SH3GL2: variants seen among roughly 807,000 people sequenced by gnomAD.
The protein encoded by SH3GL2 is SH3 domain containing GRB2 like 2, endophilin A1.
A neutral mutation model predicts 46.0 loss-of-function variants in SH3GL2; 24 were observed. The ratio of observed to expected loss-of-function variants is 0.52; its 90% CI spans 0.38 to 0.73. The LOEUF is 0.73. Among genes scored for constraint, SH3GL2 ranks in the 30% least tolerant of loss-of-function variants. The probability of loss-of-function intolerance (pLI) is 0.00; values close to 1 mark genes in which losing one functional copy is unlikely to be tolerated. For synonymous variants in SH3GL2, 196 were observed against 147.1 expected (o/e 1.33, Z -2.40); for missense variants, 413 against 424.2 (o/e 0.97, Z 0.23).
At chr9:17,598,081 G>T (rs746103550) in intron 1 of SH3GL2, among the ~76,000 whole-genome samples, 7 of 152,302 alleles carry the variant, frequency 4.6e-5, no homozygotes, top group Middle Eastern at 6.8e-3. Flanking sequence ...GCACTCTCAC[G>T]TGGAGGTCAT....
Position 17,704,214 on chromosome 9 carries a change from A to C in SH3GL2, c.46-42852A>C, listed in dbSNP as rs117669579. 4.3e-3 allele frequency among the ~76,000 whole-genome samples: 655 copies of C among 152,122 alleles called. 18 individuals carry two copies. In the East Asian group the frequency reaches 0.071, roughly 16 times the overall value. ...CAATAGCCACAAAAAGAATAAAACA[A>C]CTAGGAAAACAGCTAACCAGGGAGG... On this transcript the variant is annotated intron_variant, in intron 1 of 8. Transcript: ENST00000380607.
intron 1 of SH3GL2, among the ~76,000 whole-genome samples, chr9:17,639,307 C>G (rs571189310): frequency 1.3e-5 from 2 of 152,246 alleles, no homozygotes; most frequent in South Asian, 4.1e-4. Flanking sequence ...AAGCAAAAAT[C>G]TAATGAAATG....
intron 1 of SH3GL2, among the ~76,000 whole-genome samples, chr9:17,719,542 T>C (rs1228712231): frequency 1.3e-5 from 2 of 152,122 alleles, no homozygotes; most frequent in African/African-American, 4.8e-5. Context: ...TCCCAACACT[T>C]TGGGAGGCCA....
intron 1 of SH3GL2, among the ~76,000 whole-genome samples, chr9:17,654,352 C>G (rs1410511292): frequency 1.3e-5 from 2 of 152,112 alleles, no homozygotes; most frequent in African/African-American, 4.8e-5. Context: ...ATGGACTCCT[C>G]TAGGGAAGGG....
chr9:17,683,853 C>G (rs1331795103), intron 1 of SH3GL2, among the ~76,000 whole-genome samples: 1 of 152,106 alleles, frequency 6.6e-6, no homozygotes, highest in Non-Finnish European at 1.5e-5. Flanking sequence ...GCCAAGGACA[C>G]ATGAAACCTG....
rs189134701 is a variant in SH3GL2 at position 17,687,196 on chromosome 9, C to G, written c.46-59870C>G. 2.2e-3 allele frequency among the ~76,000 whole-genome samples: 340 copies of G among 152,198 alleles called. 1 individual carries two copies. Among genetic ancestry groups the G allele is most frequent in the Middle Eastern group, 0.02 (6 of 294 alleles). On this transcript the variant is annotated intron_variant, in intron 1 of 8. Transcript: ENST00000380607. ...ATTTTTCTTATAATCATTTCATCAT[C>G]TAGAACCATTTAAATTTTGAGTTTT...
intron 1 of SH3GL2, among the ~76,000 whole-genome samples, chr9:17,629,941 G>A (rs1819381002): frequency 6.6e-6 from 1 of 152,264 alleles, no homozygotes; most frequent in East Asian, 1.9e-4. Flanking sequence ...CAGGCCACCT[G>A]TAATGGAATC....
chr9:17,777,858 TAGC>T, intron 3 of SH3GL2, among the ~76,000 whole-genome samples: 1 of 152,184 alleles, frequency 6.6e-6, no homozygotes, highest in Non-Finnish European at 1.5e-5. Flanking sequence ...GGAGGACAAA[TAGC>T]AGTCTTCTTA....
At chr9:17,627,160 C>T (rs895812692) in intron 1 of SH3GL2, among the ~76,000 whole-genome samples, 1 of 152,130 alleles carries the variant, frequency 6.6e-6, no homozygotes, top group Non-Finnish European at 1.5e-5. Context: ...TTTTTCAATA[C>T]ACTCAAGGAA....
At chr9:17,792,800 C>T (rs1824171128) in intron 7 of SH3GL2, among the ~76,000 whole-genome samples, 1 of 152,206 alleles carries the variant, frequency 6.6e-6, no homozygotes, top group Non-Finnish European at 1.5e-5. Context: ...CCCCTGTGTT[C>T]CTGTGGCACT....
intron 1 of SH3GL2, among the ~76,000 whole-genome samples, chr9:17,696,382 C>T (rs1821202167): frequency 6.6e-6 from 1 of 152,106 alleles, no homozygotes; most frequent in East Asian, 1.9e-4. Context: ...TGTATTACAG[C>T]AGACAAATAA....
At chr9:17,625,528 A>T (rs901246932) in intron 1 of SH3GL2, among the ~76,000 whole-genome samples, 1 of 152,228 alleles carries the variant, frequency 6.6e-6, no homozygotes, top group Non-Finnish European at 1.5e-5. Flanking sequence ...TGTGATAATC[A>T]GGCAGAGATC....
intron 3 of SH3GL2, among the ~76,000 whole-genome samples, chr9:17,781,714 C>G (rs552530058): frequency 6.8e-4 from 103 of 152,228 alleles, no homozygotes; most frequent in African/African-American, 2.4e-3. Context: ...ACTCTGAACA[C>G]TTGATCTATC....
intron 1 of SH3GL2, among the ~76,000 whole-genome samples, chr9:17,583,825 C>G: frequency 6.6e-6 from 1 of 152,080 alleles, no homozygotes; most frequent in East Asian, 1.9e-4. Context: ...TATATGGATG[C>G]TTTGCTCAGG....
chr9:17,642,234 A>G (rs1257332169), intron 1 of SH3GL2, among the ~76,000 whole-genome samples: 8 of 152,138 alleles, frequency 5.3e-5, no homozygotes, highest in Admixed American at 5.2e-4. Flanking sequence ...AATTTGTTTA[A>G]GTTCCTTGTT....
At chr9:17,730,040 AT>A in intron 1 of SH3GL2, among the ~76,000 whole-genome samples, 1 of 152,188 alleles carries the variant, frequency 6.6e-6, no homozygotes, top group African/African-American at 2.4e-5. Context: ...GAATCTGTAA[AT>A]TACTTTGGGC....
intron 1 of SH3GL2, among the ~76,000 whole-genome samples, chr9:17,602,210 G>T (rs1015815671): frequency 6.6e-6 from 1 of 152,104 alleles, no homozygotes; most frequent in African/African-American, 2.4e-5. Context: ...CCTTCCTCAG[G>T]ATCAGAGTAG....
At chr9:17,638,104 C>G (rs1465493036) in intron 1 of SH3GL2, among the ~76,000 whole-genome samples, 2 of 151,834 alleles carry the variant, frequency 1.3e-5, no homozygotes. Context: ...TTGCAGTGAG[C>G]CGAGATCGCG....
At chr9:17,731,540 A>C (rs895846205) in intron 1 of SH3GL2, among the ~76,000 whole-genome samples, 1 of 152,098 alleles carries the variant, frequency 6.6e-6, no homozygotes, top group Non-Finnish European at 1.5e-5. Flanking sequence ...AGGCAAAGGC[A>C]GCGTCATGCA....
Sources: allele counts gnomAD v4.1 joint callset (sites outside exome capture counted in the v4.1 genomes callset), GRCh38; gene constraint gnomAD v4.1.1; transcripts MANE v1.5; gene names NCBI Gene and HGNC (gene_info 2026-07-23, HGNC 2026-07-21).